The following CREBBP variants were observed in gnomAD, a reference collection of about 807,000 sequenced individuals.
The protein encoded by CREBBP is CREB-binding protein.
Under a neutral mutation model 265.0 loss-of-function variants are expected in CREBBP, and 19 were observed. The observed-to-expected ratio is 0.07, with a 90% CI of 0.05 to 0.11. CREBBP has a LOEUF of 0.11. CREBBP is among the 10% of genes least tolerant of loss of function. The probability of loss-of-function intolerance (pLI) is 1.00; values close to 1 mark genes in which losing one functional copy is unlikely to be tolerated. For synonymous variants in CREBBP, 1,457 were observed against 1,223.7 expected, an observed-to-expected ratio of 1.19 and a Z score of -3.98; for missense variants, 2,525 against 3,219.0, an observed-to-expected ratio of 0.78 and a Z score of 5.22.
chr16:3,757,788 C>T (rs917319036), intron 18 of CREBBP, 21 bp downstream of exon 18: 8 of 1,613,412 alleles, frequency 5.0e-6, no homozygotes, highest in African/African-American at 2.7e-5. Context: ...ATTCACTTTC[C>T]GGAAAAACTT....
At chr16:3,735,163 C>G (rs1443215299) in intron 28 of CREBBP, among the ~76,000 whole-genome samples, 1 of 152,220 alleles carries the variant, frequency 6.6e-6, no homozygotes, top group East Asian at 1.9e-4. Flanking sequence ...GTGGGCGGGT[C>G]TGGCCCACAC....
chr16:3,874,553 T>C (rs1167694626), intron 1 of CREBBP, among the ~76,000 whole-genome samples: 1 of 152,210 alleles, frequency 6.6e-6, no homozygotes, highest in Non-Finnish European at 1.5e-5. Flanking sequence ...CCTTGAGTAG[T>C]TGCAACAAGA....
chr16:3,873,015 T>C (rs1460477074), intron 1 of CREBBP, among the ~76,000 whole-genome samples: 4 of 152,242 alleles, frequency 2.6e-5, no homozygotes, highest in African/African-American at 9.6e-5. Flanking sequence ...TCCAGAGTTT[T>C]TGCACTTGAC....
chr16:3,778,955 T>A, intron 8 of CREBBP, 138 bp from the exon 9 acceptor site: 1 of 678,858 alleles, frequency 1.5e-6, no homozygotes, highest in Non-Finnish European at 2.6e-6. Context: ...TCACCTGAGG[T>A]CAGCAGTTTG....
At chr16:3,777,284 A>G (rs1184818234) in intron 11 of CREBBP, among the ~76,000 whole-genome samples, 3 of 150,896 alleles carry the variant, frequency 2.0e-5, no homozygotes, top group African/African-American at 4.9e-5. Context: ...GCAGTGAGCC[A>G]AGATGGAGCC....
At chr16:3,730,469 C>G (rs1035883746) in intron 30 of CREBBP, 1 of 158,576 alleles carries the variant, frequency 6.3e-6, no homozygotes, top group Non-Finnish European at 1.4e-5. Context: ...GAAAACTGCT[C>G]GCACCTGGCA....
At chr16:3,764,210 A>T (rs576181730) in intron 16 of CREBBP, among the ~76,000 whole-genome samples, 5 of 151,222 alleles carry the variant, frequency 3.3e-5, no homozygotes, top group South Asian at 2.1e-4. Flanking sequence ...GGCCTCAAGT[A>T]TTCCTCCTGC....
chr16:3,868,079 C>T (rs1165282307), intron 1 of CREBBP, among the ~76,000 whole-genome samples: 2 of 152,034 alleles, frequency 1.3e-5, no homozygotes, highest in Non-Finnish European at 2.9e-5. Context: ...TAAGAAGAGA[C>T]CATATTTGCC....
At chr16:3,879,691 C>A in intron 1 of CREBBP, 141 bp downstream of exon 1, 3 of 924,186 alleles carry the variant, frequency 3.2e-6, no homozygotes, top group Non-Finnish European at 5.1e-6. Context: ...CCCTCCCGCG[C>A]GGGGCGAGGG....
intron 3 of CREBBP, among the ~76,000 whole-genome samples, chr16:3,798,763 A>G (rs2053655783): frequency 2.0e-5 from 3 of 152,270 alleles, no homozygotes; most frequent in African/African-American, 7.2e-5. Context: ...CACTCTGGAA[A>G]ACAGTCTGGC....
intron 24 of CREBBP, among the ~76,000 whole-genome samples, chr16:3,740,004 G>A (rs1194979582): frequency 6.6e-6 from 1 of 152,218 alleles, no homozygotes; most frequent in Non-Finnish European, 1.5e-5. Context: ...TATCCACGGG[G>A]TGTATGTTCC....
At chr16:3,876,399 C>CAAAAAAAAAAA (rs71133663) in intron 1 of CREBBP, among the ~76,000 whole-genome samples, 15 of 18,160 alleles carry the variant, frequency 8.3e-4, no homozygotes, top group African/African-American at 2.4e-3. Context: ...TAAAGCTGAC[C>CAAAAAAAAAAA]AAAAAAAAAA....
At position 3,850,739 on chromosome 16, in the gene CREBBP, C is replaced by T; in HGVS notation, c.356G>A (p.Gly119Asp). 8.1e-6 allele frequency: 13 copies of T among 1,614,074 alleles called. No homozygotes were observed. Among genetic ancestry groups the T allele is most frequent in the Non-Finnish European group, 1.1e-5 (13 of 1,180,050 alleles). The change falls in exon 2 of 31, where the codon GGC becomes GAC. Residue 119 changes from glycine to aspartate, a missense_variant. This residue lies in a region of CREBBP where 356 missense variants were observed against 340.4 expected (regional missense o/e 1.05). Transcript: ENST00000262367. ...SANMASLSAM[G>D]KSPLSQGDSS... ...ATCTCCCTGGCTCAGAGGGCTCTTG[C>T]CCATGGCACTGAGGCTGGCCATGTT...
At chr16:3,811,328 A>G (rs999502715) in intron 2 of CREBBP, among the ~76,000 whole-genome samples, 2 of 152,142 alleles carry the variant, frequency 1.3e-5, no homozygotes, top group Non-Finnish European at 2.9e-5. Flanking sequence ...ATATTTTTCA[A>G]TCTCTCCTGC....
chr16:3,873,546 G>C (rs2055341991), intron 1 of CREBBP, among the ~76,000 whole-genome samples: 1 of 152,168 alleles, frequency 6.6e-6, no homozygotes, highest in Non-Finnish European at 1.5e-5. Flanking sequence ...TAAGTCCTAG[G>C]ACTTACAAGG....
Position 3,758,058 on chromosome 16 carries a change from A to T in CREBBP, c.3370-10T>A. 6.2e-7 allele frequency: 1 copy of T among 1,613,580 alleles called. No homozygotes were observed. The highest frequency in any genetic ancestry group is 8.5e-7 in the Non-Finnish European group (1 of 1,179,990). ...CGATGTCAAAATAGTCCTTAAAAAA[A>T]AAAAAATGGTCTCAGTATAGGGAAT... On this transcript the variant is annotated splice_polypyrimidine_tract_variant and intron_variant, in intron 17 of 30. Coordinates refer to ENST00000262367, the MANE Select transcript of CREBBP (RefSeq NM_004380.3).
intron 2 of CREBBP, among the ~76,000 whole-genome samples, chr16:3,849,443 G>GACC (rs2054765033): frequency 5.0e-5 from 1 of 20,022 alleles, no homozygotes; most frequent in African/African-American, 8.8e-5. Flanking sequence ...GTGTGTGTGT[G>GACC]TGTGTGTGTG....
At chr16:3,817,028 C>T (rs2054049483) in intron 2 of CREBBP, among the ~76,000 whole-genome samples, 1 of 152,196 alleles carries the variant, frequency 6.6e-6, no homozygotes, top group Non-Finnish European at 1.5e-5. Context: ...ACAAGGATCT[C>T]AGCTACCAGT....
chr16:3,876,956 G>A (rs1265350267), intron 1 of CREBBP, among the ~76,000 whole-genome samples: 2 of 152,086 alleles, frequency 1.3e-5, no homozygotes, highest in Non-Finnish European at 2.9e-5. Flanking sequence ...CCCCAATGTC[G>A]GGTGCATTTT....
Sources: allele counts gnomAD v4.1 joint callset (sites outside exome capture counted in the v4.1 genomes callset), GRCh38; gene constraint gnomAD v4.1.1; regional missense constraint gnomAD v4.1.1; transcripts MANE v1.5; gene names NCBI Gene and HGNC (gene_info 2026-07-23, HGNC 2026-07-21).